NAA30: variants seen among roughly 807,000 people sequenced by gnomAD.
The protein encoded by NAA30 is N-alpha-acetyltransferase 30.
In NAA30, 5 loss-of-function variants were observed where a neutral mutation model predicts 31.4. The ratio of observed to expected loss-of-function variants is 0.16; its 90% confidence interval spans 0.08 to 0.33. The LOEUF is 0.33. Among genes scored for constraint, NAA30 ranks in the 10% least tolerant of loss-of-function variants. The pLI, the probability that NAA30 is intolerant of heterozygous loss-of-function variation, is 1.00. For missense variants in NAA30, 428 were observed against 490.8 expected (o/e 0.87, Z 1.21); for synonymous variants, 222 against 207.1 (o/e 1.07, Z -0.62).
chr14:57,411,609 T>C lies in NAA30; in HGVS notation c.*2093T>C, dbSNP rs1162078625. ...ATCATACTGACCTTTTCCTCCAAAATTGCCAAATTGACTGAACTGGTTGGG... is the reference window on the plus strand; with the variant it reads ...ATCATACTGACCTTTTCCTCCAAAACTGCCAAATTGACTGAACTGGTTGGG... On this transcript the variant is annotated 3_prime_UTR_variant, in exon 5 of 5. Coordinates refer to ENST00000556492, the MANE Select transcript of NAA30 (RefSeq NM_001011713.3). 1 of 152,150 alleles carries C rather than the reference T, an allele frequency of 6.6e-6. No individual in the cohort carries two copies. The highest frequency in any genetic ancestry group is 1.5e-5 in the Non-Finnish European group (1 of 67,992). 9.4% of individuals were successfully genotyped at this position (152,150 alleles called of 1,614,324 possible). A position where few individuals can be genotyped will look rare whatever the true frequency, so the allele number is the denominator to read the frequency against.
intron 3 of NAA30, among the ~76,000 whole-genome samples, chr14:57,397,230 C>T (rs1051037298): frequency 6.6e-6 from 1 of 152,120 alleles, no homozygotes; most frequent in Non-Finnish European, 1.5e-5. Flanking sequence ...AGCCTTCAAG[C>T]ACTTGTCTGT....
intron 2 of NAA30, among the ~76,000 whole-genome samples, chr14:57,392,022 C>T (rs1416169275): frequency 1.3e-5 from 2 of 152,148 alleles, no homozygotes; most frequent in African/African-American, 2.4e-5. Flanking sequence ...TCGTGTTTAA[C>T]CGTCTTTAAT....
rs1371020372 is a variant in NAA30, at chr14:57,415,789, G to A, written c.*6273G>A. On this transcript the variant is annotated 3_prime_UTR_variant, in exon 5 of 5. Coordinates refer to ENST00000556492, the MANE Select transcript of NAA30 (RefSeq NM_001011713.3). Reference sequence around the variant, plus strand: ...CTGAACCTGCTGCCTTTATACTTTTGACACCTCCCTCCCTCCCTCCCTCCA... The same window carrying A: ...CTGAACCTGCTGCCTTTATACTTTTAACACCTCCCTCCCTCCCTCCCTCCA... 6.6e-6 allele frequency: 1 copy of A among 151,910 alleles called. No individual in the cohort carries two copies. The highest frequency in any genetic ancestry group is 1.5e-5 in the Non-Finnish European group (1 of 67,966). The allele number at this position is 151,910 out of a possible 1,614,324, so 9.4% of individuals were successfully genotyped here.
intron 4 of NAA30, among the ~76,000 whole-genome samples, chr14:57,406,856 C>G (rs1194590983): frequency 3.9e-5 from 6 of 152,110 alleles, no homozygotes; most frequent in Admixed American, 3.3e-4. Flanking sequence ...ACATACGTTA[C>G]TAGAAATTTA....
In NAA30 at chr14:57,396,713, T is replaced by A. The variant is rs199594348; in HGVS notation, c.772-39T>A. 46 of 1,611,700 alleles carry A rather than the reference T, an allele frequency of 2.9e-5. 1 individual carries two copies. The highest frequency in any genetic ancestry group is 3.3e-4 in the Middle Eastern group (2 of 6,072). Reference sequence around the variant, plus strand: ...CTCTGGATAATTGTGCAGTACCTGATGGCAATGTATTCTTCATAACTGTTT... The same window carrying A: ...CTCTGGATAATTGTGCAGTACCTGAAGGCAATGTATTCTTCATAACTGTTT... On this transcript the variant is annotated intron_variant, in intron 2 of 4. Coordinates refer to ENST00000556492, the MANE Select transcript of NAA30 (RefSeq NM_001011713.3).
chr14:57,396,975 GAAAC>G, intron 3 of NAA30, 100 bp downstream of exon 3: 1 of 1,116,114 alleles, frequency 9.0e-7, no homozygotes, highest in African/African-American at 1.6e-5. Flanking sequence ...AGAAATGAAA[GAAAC>G]TAAGGGAAGA....
At position 57,391,534 on chromosome 14, in the gene NAA30, G is replaced by GC; in HGVS notation, c.579dup (p.Asp194ArgfsTer13). 1 of 1,613,818 alleles carries GC rather than the reference G, an allele frequency of 6.2e-7. No homozygotes were observed. Among genetic ancestry groups the GC allele is most frequent in the Non-Finnish European group, 8.5e-7 (1 of 1,180,016 alleles). On this transcript the variant is annotated frameshift_variant, in exon 2 of 5. Coordinates refer to ENST00000556492, the MANE Select transcript of NAA30 (RefSeq NM_001011713.3). LOFTEE classifies it high-confidence loss of function. The surrounding 1 kb of genome is among the most constrained non-coding windows in gnomAD (Gnocchi z 4.1). Reference sequence around the variant, plus strand: ...GCGGCTGCTGTCTTCGTCCCTGACCGCCGACTGCAGCTTAAGAAGCCCTTC... The same window carrying GC: ...GCGGCTGCTGTCTTCGTCCCTGACCGCCCGACTGCAGCTTAAGAAGCCCTTC...
chr14:57,412,664 T>A lies in NAA30; in HGVS notation c.*3148T>A, dbSNP rs1430187937. 1 of 152,198 alleles carries A rather than the reference T, an allele frequency of 6.6e-6. No individual in the cohort carries two copies. The highest frequency in any genetic ancestry group is 1.9e-4 in the East Asian group (1 of 5,202). 9.4% of individuals were successfully genotyped at this position (152,198 alleles called of 1,614,324 possible). A position where few individuals can be genotyped will look rare whatever the true frequency, so the allele number is the denominator to read the frequency against. ...CATAATTTTCTTCTATTGTCCCATA[T>A]CCTTTTGGAGAGAGATTTAATGGGA... On this transcript the variant is annotated 3_prime_UTR_variant, in exon 5 of 5. Coordinates refer to ENST00000556492, the MANE Select transcript of NAA30 (RefSeq NM_001011713.3).
At chr14:57,407,431 C>T (rs1217393545) in intron 4 of NAA30, among the ~76,000 whole-genome samples, 2 of 152,062 alleles carry the variant, frequency 1.3e-5, no homozygotes, top group Non-Finnish European at 2.9e-5. Flanking sequence ...GTCATAGGAA[C>T]GGTGCAGAAT....
intron 1 of NAA30, 30 bp downstream of exon 1, chr14:57,390,735 A>T (rs1460983385): frequency 7.4e-6 from 3 of 406,970 alleles, no homozygotes; most frequent in Non-Finnish European, 8.3e-6. Context: ...CGCGAGTGAC[A>T]GGGCTGGCGG....
intron 3 of NAA30, 105 bp downstream of exon 3, chr14:57,396,980 T>C (rs534928837): frequency 4.5e-6 from 5 of 1,101,096 alleles, no homozygotes; most frequent in Non-Finnish European, 5.0e-6. Flanking sequence ...TGAAAGAAAC[T>C]AAGGGAAGAA....
chr14:57,411,715 T>C lies in NAA30; in HGVS notation c.*2199T>C, dbSNP rs2066523373. 1 of 152,194 alleles carries C rather than the reference T, an allele frequency of 6.6e-6. No individual in the cohort carries two copies. The highest frequency in any genetic ancestry group is 2.4e-5 in the African/African-American group (1 of 41,454). The allele number at this position is 152,194 out of a possible 1,614,324, so 9.4% of individuals were successfully genotyped here. On this transcript the variant is annotated 3_prime_UTR_variant, in exon 5 of 5. Coordinates refer to ENST00000556492, the MANE Select transcript of NAA30 (RefSeq NM_001011713.3). ...GTTTGGAATATGTTGAATGTCAGTG[T>C]ATGCCTTATGTCTTTAATTGGGTAT...
In NAA30 at chr14:57,391,563, C is replaced by A. The variant is rs150005453; in HGVS notation, c.606C>A (p.Gly202=). The change falls in exon 2 of 5, where the codon GGC becomes GGA. Residue 202 remains glycine (G), a synonymous_variant. Transcript: ENST00000556492. This position sits in a 1 kb window ranked among gnomAD's most constrained non-coding sequence, Gnocchi z 4.1. ...ACTGCAGCTTAAGAAGCCCTTCGGG[C>A]AGGGAGGTTGAGCCTGGGGAGGATC... ...TADCSLRSPS[G]REVEPGEDRT... is the part of the protein sequence containing the mutation. 1 of 1,613,970 alleles carries A rather than the reference C, an allele frequency of 6.2e-7. No individual in the cohort carries two copies. The highest frequency in any genetic ancestry group is 1.3e-5 in the African/African-American group (1 of 74,928).
Position 57,413,223 on chromosome 14 carries a change from C to G in NAA30, c.*3707C>G, listed in dbSNP as rs2066531457. 6.7e-6 allele frequency: 1 copy of G among 149,504 alleles called. No individual in the cohort carries two copies. The allele number at this position is 149,504 out of a possible 1,614,324, so 9.3% of individuals were successfully genotyped here. A position where few individuals can be genotyped will look rare whatever the true frequency, so the allele number is the denominator to read the frequency against. On this transcript the variant is annotated 3_prime_UTR_variant, in exon 5 of 5. Coordinates refer to ENST00000556492, the MANE Select transcript of NAA30 (RefSeq NM_001011713.3). Reference sequence around the variant, plus strand: ...GAGCTTTAAATAGCTGTGAATACTTCTGTATGTCAAGATTTTCGGATTTTA... The same window carrying G: ...GAGCTTTAAATAGCTGTGAATACTTGTGTATGTCAAGATTTTCGGATTTTA...
intron 2 of NAA30, among the ~76,000 whole-genome samples, chr14:57,395,539 CTG>C (rs779534358): frequency 6.6e-6 from 1 of 152,136 alleles, no homozygotes; most frequent in African/African-American, 2.4e-5. Context: ...ACCAGAAATA[CTG>C]TGTTACTAGA....
In NAA30 at chr14:57,413,893, T is replaced by C. The variant is rs376636472; in HGVS notation, c.*4377T>C. 4 of 152,342 alleles carry C rather than the reference T, an allele frequency of 2.6e-5. 1 individual carries two copies. Among genetic ancestry groups the C allele is most frequent in the Admixed American group, 6.5e-5 (1 of 15,296 alleles). The allele number at this position is 152,342 out of a possible 1,614,324, so 9.4% of individuals were successfully genotyped here. A position where few individuals can be genotyped will look rare whatever the true frequency, so the allele number is the denominator to read the frequency against. ...TTAGATCACTACTGTCCAGTCACAC[T>C]TTATATAAGGATAGATGTGTCCTTT... On this transcript the variant is annotated 3_prime_UTR_variant, in exon 5 of 5. Coordinates refer to ENST00000556492, the MANE Select transcript of NAA30 (RefSeq NM_001011713.3).
chr14:57,410,623 C>T lies in NAA30; in HGVS notation c.*1107C>T, dbSNP rs533956125. 1 of 152,048 alleles carries T rather than the reference C, an allele frequency of 6.6e-6. No homozygotes were observed. Among genetic ancestry groups the T allele is most frequent in the South Asian group, 2.1e-4 (1 of 4,796 alleles). 9.4% of individuals were successfully genotyped at this position (152,048 alleles called of 1,614,324 possible). On this transcript the variant is annotated 3_prime_UTR_variant, in exon 5 of 5. Coordinates refer to ENST00000556492, the MANE Select transcript of NAA30 (RefSeq NM_001011713.3). ...GGTGCATTGTATCCATTTTAAGCTG[C>T]TTTATTTTATTTTCACTTGTATGAG...
At chr14:57,405,123 T>C (rs2066493031) in intron 4 of NAA30, among the ~76,000 whole-genome samples, 1 of 152,190 alleles carries the variant, frequency 6.6e-6, no homozygotes, top group Non-Finnish European at 1.5e-5. Flanking sequence ...TTTCTAGCAA[T>C]ATAAAGGTAA....
Position 57,409,671 on chromosome 14 carries a change from T to C in NAA30, c.*155T>C. On this transcript the variant is annotated 3_prime_UTR_variant, in exon 5 of 5. Transcript: ENST00000556492. ...GAGTGTCGCACAATATTTGTTGCAC[T>C]TTGGCATGGCACATTTGTTCTGAAT... 1 of 623,404 alleles carries C rather than the reference T, an allele frequency of 1.6e-6. No homozygotes were observed. The highest frequency in any genetic ancestry group is 2.5e-6 in the Non-Finnish European group (1 of 401,604). The allele number at this position is 623,404 out of a possible 1,614,324, so 38.6% of individuals were successfully genotyped here.
Sources: allele counts gnomAD v4.1 joint callset (sites outside exome capture counted in the v4.1 genomes callset), GRCh38; gene constraint gnomAD v4.1.1; non-coding constraint Gnocchi (gnomAD v3.1); transcripts MANE v1.5; gene names NCBI Gene and HGNC (gene_info 2026-07-23, HGNC 2026-07-21).